Variants in HDAC6 observed in about 807,000 individuals in gnomAD.
The protein encoded by HDAC6 is histone deacetylase 6.
Under a neutral mutation model 88.9 loss-of-function variants are expected in HDAC6, and 5 were observed. That is an observed-to-expected ratio of 0.06 (90% confidence interval 0.03 to 0.12). The LOEUF is 0.12. HDAC6 is among the 10% of genes least tolerant of loss of function. HDAC6 has a pLI of 1.00. For synonymous variants in HDAC6, 378 were observed against 398.0 expected, an observed-to-expected ratio of 0.95 and a Z score of 0.60; for missense variants, 706 against 1,014.4, an observed-to-expected ratio of 0.70 and a Z score of 4.13.
intron 23 of HDAC6, among the ~76,000 whole-genome samples, chrX:48,822,379 C>T (rs2063097849): frequency 1.8e-5 from 2 of 112,080 alleles, no homozygotes; most frequent in African/African-American, 6.5e-5. Context: ...GTTACTAATG[C>T]TTTTATCAGT....
chrX:48,819,607 A>C (rs1305767621), intron 22 of HDAC6: 2 of 197,770 alleles, frequency 1.0e-5, no homozygotes, highest in African/African-American at 6.5e-5. Flanking sequence ...GCAGTGGTGC[A>C]ATCTCGGCTC....
intron 18 of HDAC6, 36 bp downstream of exon 18, chrX:48,816,305 G>A: frequency 8.4e-7 from 1 of 1,189,624 alleles, no homozygotes; most frequent in Non-Finnish European, 1.1e-6. Context: ...TGGATTCCCA[G>A]GACTGTGGAT....
At chrX:48,824,130 C>CT in intron 27 of HDAC6, 36 bp from the exon 28 acceptor site, 15 of 1,204,937 alleles carry the variant, frequency 1.2e-5, no homozygotes, top group Non-Finnish European at 1.7e-5. Flanking sequence ...CAGGGGGATG[C>CT]TGACCCCCAC....
rs1557031144 is a variant in HDAC6, at chrX:48,823,579, C to A, written c.3180C>A (p.Ser1060Arg). 8.3e-7 allele frequency: 1 copy of A among 1,206,684 alleles called. No homozygotes were observed. Among genetic ancestry groups the A allele is most frequent in the Non-Finnish European group, 1.1e-6 (1 of 892,359 alleles). ...GTCTCAGGACCTTGGAGCTAGGCAG[C>A]GAATCTCAGGTAAGGCTCACCACAC... is the stretch of plus-strand genomic sequence containing the variant. The part of the protein sequence containing the change: ...IGSLRTLELG[S>R]ESQGASESQA... The change falls in exon 25 of 29, where the codon AGC becomes AGA. Residue 1060 changes from serine to arginine, a missense_variant. By Grantham distance (110) the Ser-to-Arg change is moderately radical (BLOSUM62 -1). Transcript: ENST00000334136.
chrX:48,817,817 A>G (rs2063013164), intron 20 of HDAC6: 1 of 436,663 alleles, frequency 2.3e-6, no homozygotes, highest in Non-Finnish European at 4.0e-6. Flanking sequence ...CCCAGGGTCC[A>G]GTTCCCTAGC....
chrX:48,814,823 T>C lies in HDAC6; in HGVS notation c.1000-11T>C. On this transcript the variant is annotated splice_polypyrimidine_tract_variant and intron_variant, in intron 12 of 28. Coordinates refer to ENST00000334136, the MANE Select transcript of HDAC6 (RefSeq NM_006044.4). ...GGGTAGGTAGCCTCATGGAGTCTGT[T>C]CCCCCTTCAGTTCCAGCCTCAGCTG... 4.1e-6 allele frequency: 5 copies of C among 1,211,462 alleles called. No homozygotes were observed. The highest frequency in any genetic ancestry group is 5.6e-6 in the Non-Finnish European group (5 of 895,213).
chrX:48,802,803 C>T lies in HDAC6; in HGVS notation c.93+18C>T, dbSNP rs1557022834. 2 of 1,206,964 alleles carry T rather than the reference C, an allele frequency of 1.7e-6. No homozygotes were observed. On this transcript the variant is annotated intron_variant, in intron 2 of 28. Coordinates refer to ENST00000334136, the MANE Select transcript of HDAC6 (RefSeq NM_006044.4). ...TCACTTCGGTGAGGCCCTAGACCCG[C>T]CCTGATGAGGGGGAGAGGGAGCAAG...
chrX:48,806,519 C>A, intron 7 of HDAC6, 55 bp downstream of exon 7: 1 of 1,050,892 alleles, frequency 9.5e-7, no homozygotes, highest in Non-Finnish European at 1.3e-6. Context: ...GGTCCCCATC[C>A]CTATGCCCAC....
At position 48,824,160 on chromosome X, in the gene HDAC6, C is replaced by T. The variant is rs782309998; in HGVS notation, c.3451-6C>T. ...CCCCACCTGACACTCACACCCCCAACCTCAGGTCTACTGTGGTCGTTACAT... is the reference window on the plus strand; with the variant it reads ...CCCCACCTGACACTCACACCCCCAATCTCAGGTCTACTGTGGTCGTTACAT... On this transcript the variant is annotated splice_polypyrimidine_tract_variant and splice_region_variant and intron_variant, in intron 27 of 28. Transcript: ENST00000334136. 6 of 1,206,676 alleles carry T rather than the reference C, an allele frequency of 5.0e-6. No individual in the cohort carries two copies. The African/African-American group carries it at 7.0e-5, about 14-fold the overall frequency.
chrX:48,808,410 G>A, intron 10 of HDAC6, 84 bp downstream of exon 10: 3 of 639,017 alleles, frequency 4.7e-6, no homozygotes, highest in Middle Eastern at 7.4e-4. Context: ...CCAGAAGGAG[G>A]AAAAGGCATT....
intron 22 of HDAC6, chrX:48,819,327 G>GTGACCATCTTCTCTGTA (rs2063041756): frequency 8.5e-6 from 1 of 118,033 alleles, no homozygotes; most frequent in South Asian, 3.1e-4. Flanking sequence ...GTGGCTCTGT[G>GTGACCATCTTCTCTGTA]TGACCATCTT....
chrX:48,805,287 G>C (rs1211136709), intron 4 of HDAC6, 151 bp from the exon 5 acceptor site: 9 of 462,550 alleles, frequency 1.9e-5, no homozygotes, highest in Middle Eastern at 1.1e-3. Flanking sequence ...GGTGAGGAGA[G>C]GGTCACACAC....
chrX:48,817,676 C>G, intron 20 of HDAC6: 1 of 421,635 alleles, frequency 2.4e-6, no homozygotes, highest in Non-Finnish European at 4.1e-6. Context: ...TGGGCACTTA[C>G]AAAACAGGAT....
At chrX:48,802,544 C>T in intron 1 of HDAC6, 119 bp from the exon 2 acceptor site, 2 of 1,118,249 alleles carry the variant, frequency 1.8e-6, no homozygotes, top group South Asian at 2.2e-5. Context: ...TGTGGAGAAT[C>T]AGATCGCGTA....
chrX:48,822,724 A>T lies in HDAC6; in HGVS notation c.2442A>T (p.Ser814=), dbSNP rs2063103520. 1.7e-6 allele frequency: 2 copies of T among 1,209,057 alleles called. No individual in the cohort carries two copies. The highest frequency in any genetic ancestry group is 2.2e-6 in the Non-Finnish European group (2 of 893,530). The change falls in exon 24 of 29, where the codon TCA becomes TCT. Residue 814 remains serine (S), a synonymous_variant. Transcript: ENST00000334136. ...PLLTLPRPPL[S]GALASITETI... ...TGACCCTGCCACGGCCCCCACTATC[A>T]GGGGCCCTGGCCTCAATCACTGAGA...
chrX:48,806,808 C>A, intron 8 of HDAC6, 102 bp downstream of exon 8: 1 of 479,403 alleles, frequency 2.1e-6, no homozygotes, highest in Non-Finnish European at 3.3e-6. Context: ...TTCAAGAATC[C>A]AAAGGTAAAA....
Position 48,814,460 on chromosome X carries a change from A to G in HDAC6, c.827A>G (p.His276Arg). ...CCCAGTGTCCTCTATTTCTCCATCC[A>G]CCGCTACGAGCAGGGTAGGTTCTGG... ...QDPSVLYFSI[H>R]RYEQGRFWPH... Residue 276 changes from histidine to arginine, a missense_variant, in exon 11 of 29, where the codon CAC becomes CGC. Coordinates refer to ENST00000334136, the MANE Select transcript of HDAC6 (RefSeq NM_006044.4). 1 of 1,210,986 alleles carries G rather than the reference A, an allele frequency of 8.3e-7. No individual in the cohort carries two copies. The highest frequency in any genetic ancestry group is 1.1e-6 in the Non-Finnish European group (1 of 895,099).
chrX:48,815,265 C>G, intron 14 of HDAC6, 119 bp from the exon 15 acceptor site: 1 of 581,656 alleles, frequency 1.7e-6, no homozygotes. Flanking sequence ...CAGTGAGGCA[C>G]CCTTCTAAGT....
In HDAC6 at chrX:48,824,910, C is replaced by T. The variant is rs782401676; in HGVS notation, c.*298C>T. ...GCTGATATCATGAGGATAACATTGGCGGGAGGGGAGTTAACTGGCAGGCAT... is the reference window on the plus strand; with the variant it reads ...GCTGATATCATGAGGATAACATTGGTGGGAGGGGAGTTAACTGGCAGGCAT... On this transcript the variant is annotated 3_prime_UTR_variant, in exon 29 of 29. Transcript: ENST00000334136. The T allele has an allele frequency of 9.2e-6, 10 of 1,085,447 alleles. No individual in the cohort carries two copies. The highest frequency in any genetic ancestry group is 5.5e-5 in the Admixed American group (2 of 36,127). 89.5% of individuals were successfully genotyped at this position (1,085,447 alleles called of 1,213,427 possible).
Sources: allele counts gnomAD v4.1 joint callset (sites outside exome capture counted in the v4.1 genomes callset), GRCh38; gene constraint gnomAD v4.1.1; transcripts MANE v1.5; gene names NCBI Gene and HGNC (gene_info 2026-07-23, HGNC 2026-07-21).